Variants in CNBD1 observed in about 807,000 individuals in gnomAD.
CNBD1 encodes the protein cyclic nucleotide-binding domain-containing protein 1.
Under a neutral mutation model 54.4 loss-of-function variants are expected in CNBD1, and 71 were observed. The observed-to-expected ratio is 1.30, with a 90% confidence interval of 1.08 to 1.59. The LOEUF (loss-of-function observed/expected upper bound fraction) is 1.59, where lower values mean the gene tolerates loss of function less well. Among genes scored for constraint, CNBD1 ranks in the 40% most tolerant of loss-of-function variants. CNBD1 has a pLI of 0.00. For synonymous variants in CNBD1, 182 were observed against 170.7 expected (o/e 1.07, Z -0.51); for missense variants, 659 against 518.0 (o/e 1.27, Z -2.64).
At chr8:86,961,384 A>C (rs1807925130) in intron 4 of CNBD1, among the ~76,000 whole-genome samples, 1 of 152,234 alleles carries the variant, frequency 6.6e-6, no homozygotes, top group South Asian at 2.1e-4. Context: ...GAACATCACA[A>C]GTTAAAACAG....
intron 4 of CNBD1, among the ~76,000 whole-genome samples, chr8:87,016,404 CTG>C (rs1413982162): frequency 2.0e-5 from 3 of 148,100 alleles, no homozygotes; most frequent in Non-Finnish European, 3.0e-5. Flanking sequence ...GGTTAAGAAA[CTG>C]TTTAAAACTT....
intron 4 of CNBD1, among the ~76,000 whole-genome samples, chr8:87,032,401 A>G (rs778826896): frequency 4.6e-5 from 7 of 152,224 alleles, no homozygotes; most frequent in African/African-American, 7.2e-5. Context: ...TTCTTACACT[A>G]AAGTAAGCTA....
chr8:86,965,180 C>T (rs1159087109), intron 4 of CNBD1, among the ~76,000 whole-genome samples: 5 of 152,138 alleles, frequency 3.3e-5, no homozygotes, highest in East Asian at 1.9e-4. Flanking sequence ...ACATTCTTAA[C>T]ATTTTAATAT....
chr8:87,205,885 C>T (rs1813961422), intron 4 of CNBD1, 108 bp from the exon 5 acceptor site: 2 of 924,148 alleles, frequency 2.2e-6, no homozygotes, highest in African/African-American at 1.7e-5. Flanking sequence ...TTTAAAAACC[C>T]TTAACTAAAC....
chr8:87,240,271 A>G (rs1807668227), intron 6 of CNBD1, among the ~76,000 whole-genome samples: 1 of 152,198 alleles, frequency 6.6e-6, no homozygotes, highest in African/African-American at 2.4e-5. Context: ...AATTATTAAA[A>G]GAACTTTCTA....
At chr8:87,085,464 C>T (rs1265838002) in intron 4 of CNBD1, among the ~76,000 whole-genome samples, 2 of 151,950 alleles carry the variant, frequency 1.3e-5, no homozygotes, top group African/African-American at 4.8e-5. Flanking sequence ...GGGCTAATTT[C>T]TCTCTTTGTT....
rs1193588273 is a variant in CNBD1, at chr8:87,274,688, G to T, written c.772-9990G>T. On this transcript the variant is annotated intron_variant, in intron 6 of 10. Coordinates refer to ENST00000518476, the MANE Select transcript of CNBD1 (RefSeq NM_173538.3). ...ATATTAGCCCTTTGTCAGATGAGTA[G>T]GTTGTGAAAATTTTCTCCCATTCTG... 6.8e-5 allele frequency among the ~76,000 whole-genome samples: 9 copies of T among 133,160 alleles called. 1 individual carries two copies. Among genetic ancestry groups the T allele is most frequent in the Admixed American group, 5.0e-4 (7 of 13,964 alleles). The allele number at this position is 133,160 out of a possible 152,430, so 87.4% of individuals were successfully genotyped here.
chr8:86,909,363 T>C (rs1244794751), intron 3 of CNBD1, among the ~76,000 whole-genome samples: 1 of 152,214 alleles, frequency 6.6e-6, no homozygotes, highest in African/African-American at 2.4e-5. Context: ...TCACTAACTT[T>C]TGATATTTTC....
chr8:87,379,918 A>C (rs188894306), intron 10 of CNBD1, among the ~76,000 whole-genome samples: 1 of 150,848 alleles, frequency 6.6e-6, no homozygotes, highest in Admixed American at 6.6e-5. Flanking sequence ...AAATACTTAA[A>C]TATGACCAAA....
chr8:87,112,508 C>A (rs539449908), intron 4 of CNBD1, among the ~76,000 whole-genome samples: 2 of 152,288 alleles, frequency 1.3e-5, no homozygotes, highest in South Asian at 4.1e-4. Flanking sequence ...GATTTCCACA[C>A]TTTGCTTCAT....
intron 4 of CNBD1, among the ~76,000 whole-genome samples, chr8:87,137,360 C>T (rs920667028): frequency 4.6e-5 from 7 of 151,154 alleles, no homozygotes; most frequent in African/African-American, 1.7e-4. Flanking sequence ...CCATGCCAGG[C>T]TAATATTTTT....
chr8:86,883,948 G>A (rs916901510), intron 1 of CNBD1, among the ~76,000 whole-genome samples: 2 of 151,880 alleles, frequency 1.3e-5, no homozygotes, highest in East Asian at 1.9e-4. Context: ...TCAGGAGATC[G>A]AGACCATCCC....
chr8:87,147,765 C>T (rs992824669), intron 4 of CNBD1, among the ~76,000 whole-genome samples: 4 of 151,826 alleles, frequency 2.6e-5, no homozygotes, highest in African/African-American at 7.3e-5. Flanking sequence ...TTTTGAGCAC[C>T]CTAGCCCAAA....
chr8:87,306,059 G>GA (rs950501061), intron 8 of CNBD1, among the ~76,000 whole-genome samples: 1 of 151,588 alleles, frequency 6.6e-6, no homozygotes, highest in Admixed American at 6.6e-5. Context: ...ACAACAGTAA[G>GA]AAAAAAAACC....
chr8:86,953,968 A>G (rs1161880142), intron 4 of CNBD1, among the ~76,000 whole-genome samples: 1 of 152,180 alleles, frequency 6.6e-6, no homozygotes. Flanking sequence ...AATGCTAGGG[A>G]TTAGGAAAGA....
At chr8:87,287,359 A>G (rs1222122109) in intron 8 of CNBD1, among the ~76,000 whole-genome samples, 2 of 152,142 alleles carry the variant, frequency 1.3e-5, no homozygotes, top group Non-Finnish European at 2.9e-5. Flanking sequence ...TGGTAAGGAA[A>G]CACAATTGCT....
intron 6 of CNBD1, among the ~76,000 whole-genome samples, chr8:87,258,817 G>T (rs927512156): frequency 5.3e-5 from 8 of 152,062 alleles, no homozygotes; most frequent in African/African-American, 2.4e-5. Context: ...AGAAAACCCT[G>T]TTGTGCTTTT....
chr8:86,963,829 T>TC (rs1209629896), intron 4 of CNBD1, among the ~76,000 whole-genome samples: 3 of 151,934 alleles, frequency 2.0e-5, no homozygotes, highest in Non-Finnish European at 4.4e-5. Flanking sequence ...ACCACCAGAG[T>TC]CAACGAAAGG....
chr8:87,329,631 C>G (rs1330798911), intron 8 of CNBD1, among the ~76,000 whole-genome samples: 1 of 151,890 alleles, frequency 6.6e-6, no homozygotes, highest in Non-Finnish European at 1.5e-5. Context: ...AGATTTGTAA[C>G]TGTTTCATTG....
Sources: gnomAD v4.1 joint callset for allele counts (sites outside exome capture counted in the v4.1 genomes callset) on GRCh38, gnomAD v4.1.1 for gene constraint, MANE v1.5 for transcripts, NCBI Gene and HGNC (gene_info 2026-07-23, HGNC 2026-07-21) for gene names.